GTF2E1: variants seen among roughly 807,000 people sequenced by gnomAD.
The protein encoded by GTF2E1 is general transcription factor IIE subunit 1.
A neutral mutation model predicts 34.9 loss-of-function variants in GTF2E1; 14 were observed. The ratio of observed to expected loss-of-function variants is 0.40; its 90% CI spans 0.27 to 0.63. The LOEUF (loss-of-function observed/expected upper bound fraction) is 0.63, where lower values mean the gene tolerates loss of function less well. Ranked by LOEUF, GTF2E1 falls within the 20% of genes least tolerant of loss-of-function variation. The probability of loss-of-function intolerance (pLI) is 0.39; values close to 1 mark genes in which losing one functional copy is unlikely to be tolerated. For synonymous variants in GTF2E1, 188 were observed against 192.9 expected (o/e 0.97, Z 0.21); for missense variants, 469 against 557.7 (o/e 0.84, Z 1.60).
chr3:120,750,427 TA>T (rs1709154492), intron 1 of GTF2E1, 95 bp from the exon 2 acceptor site: 1 of 723,056 alleles, frequency 1.4e-6, no homozygotes, highest in African/African-American at 1.8e-5. Flanking sequence ...GAAATCTTTT[TA>T]AACACTTTGG....
In GTF2E1 at chr3:120,770,914, C is replaced by G; in HGVS notation, c.635C>G (p.Pro212Arg). Residue 212 changes from proline (P) to arginine (R), a missense_variant, in exon 3 of 5, where the codon CCA becomes CGA. Transcript: ENST00000283875. ...EILEPEPTEI[P>R]ALKQSKDHAA... The stretch of plus-strand genomic sequence containing the variant: ...CTTGAGCCAGAACCCACAGAAATCC[C>G]AGCCCTGAAACAGAGGTGAGTGTAG... 1 of 1,613,310 alleles carries G rather than the reference C, an allele frequency of 6.2e-7. No homozygotes were observed. Among genetic ancestry groups the G allele is most frequent in the Non-Finnish European group, 8.5e-7 (1 of 1,179,354 alleles).
At chr3:120,757,787 C>G (rs1318756689) in intron 2 of GTF2E1, among the ~76,000 whole-genome samples, 2 of 152,208 alleles carry the variant, frequency 1.3e-5, no homozygotes, top group East Asian at 3.8e-4. Context: ...GACTGTATAG[C>G]TTCTGCATAT....
At chr3:120,757,809 G>A (rs147946454) in intron 2 of GTF2E1, among the ~76,000 whole-genome samples, 1 of 152,352 alleles carries the variant, frequency 6.6e-6, no homozygotes, top group East Asian at 1.9e-4. Flanking sequence ...GATTAAGAGG[G>A]AGTTGAATGT....
At chr3:120,751,890 T>A (rs567622442) in intron 2 of GTF2E1, among the ~76,000 whole-genome samples, 123 of 152,292 alleles carry the variant, frequency 8.1e-4, no homozygotes, top group Non-Finnish European at 1.5e-3. Context: ...ATCTGCTTTT[T>A]TAAAAACTTC....
chr3:120,772,960 A>G (rs1709365513), intron 3 of GTF2E1, among the ~76,000 whole-genome samples: 1 of 152,148 alleles, frequency 6.6e-6, no homozygotes, highest in African/African-American at 2.4e-5. Context: ...TCTTCTTATC[A>G]GGAATGATGG....
intron 3 of GTF2E1, among the ~76,000 whole-genome samples, chr3:120,774,442 C>T (rs1333688092): frequency 6.6e-6 from 1 of 152,124 alleles, no homozygotes; most frequent in African/African-American, 2.4e-5. Context: ...CATCATATTA[C>T]AGTGAAGGCA....
chr3:120,757,482 TA>T (rs1709219119), intron 2 of GTF2E1, among the ~76,000 whole-genome samples: 1 of 152,224 alleles, frequency 6.6e-6, no homozygotes, highest in Non-Finnish European at 1.5e-5. Flanking sequence ...TGAATTTTTA[TA>T]AGATGATTTT....
At chr3:120,764,804 G>GTATT (rs1053738214) in intron 2 of GTF2E1, among the ~76,000 whole-genome samples, 4 of 151,794 alleles carry the variant, frequency 2.6e-5, no homozygotes, top group African/African-American at 9.7e-5. Flanking sequence ...GGTTTTATTT[G>GTATT]TATTTATTTA....
At chr3:120,776,734 ACTGC>A in intron 4 of GTF2E1, 70 bp downstream of exon 4, 1 of 1,380,284 alleles carries the variant, frequency 7.2e-7, no homozygotes, top group Non-Finnish European at 1.0e-6. Context: ...TTAGTGGGAA[ACTGC>A]CTGGGCAATT....
At chr3:120,771,987 A>G (rs532831729) in intron 3 of GTF2E1, among the ~76,000 whole-genome samples, 2 of 152,280 alleles carry the variant, frequency 1.3e-5, no homozygotes, top group African/African-American at 2.4e-5. Flanking sequence ...TCACAGCTCA[A>G]TTATATCTTC....
intron 2 of GTF2E1, among the ~76,000 whole-genome samples, chr3:120,768,087 A>T (rs1396979625): frequency 3.3e-5 from 5 of 152,160 alleles, no homozygotes; most frequent in Admixed American, 1.3e-4. Flanking sequence ...ACATTTTTTT[A>T]AAATTCGGGT....
At chr3:120,768,172 AAATG>A (rs1422227592) in intron 2 of GTF2E1, among the ~76,000 whole-genome samples, 2 of 152,346 alleles carry the variant, frequency 1.3e-5, no homozygotes, top group Admixed American at 1.3e-4. Flanking sequence ...AGGGAAAAGA[AAATG>A]AAAGAGGATA....
chr3:120,744,616 A>T (rs1330223176), intron 1 of GTF2E1, among the ~76,000 whole-genome samples: 1 of 152,144 alleles, frequency 6.6e-6, no homozygotes, highest in Non-Finnish European at 1.5e-5. Flanking sequence ...CATATTCTGT[A>T]TCCAATATAT....
chr3:120,773,828 A>T (rs1709375963), intron 3 of GTF2E1, among the ~76,000 whole-genome samples: 1 of 152,198 alleles, frequency 6.6e-6, no homozygotes, highest in Non-Finnish European at 1.5e-5. Flanking sequence ...CTTATGGTCA[A>T]ATGTCTGCTG....
chr3:120,767,606 G>A (rs1709320359), intron 2 of GTF2E1, among the ~76,000 whole-genome samples: 1 of 152,162 alleles, frequency 6.6e-6, no homozygotes, highest in Admixed American at 6.6e-5. Flanking sequence ...ATTTCCTTGA[G>A]TAGTGAAGTT....
chr3:120,750,516 A>T lies in GTF2E1; in HGVS notation c.-30-7A>T, dbSNP rs1386216004. ...CTGGCTAATTTTCTGTTTTTTTTTG[A>T]ATTCAGTATATTTAAAGTTGGAGTT... On this transcript the variant is annotated splice_region_variant and splice_polypyrimidine_tract_variant and intron_variant, in intron 1 of 4. Coordinates refer to ENST00000283875, the MANE Select transcript of GTF2E1 (RefSeq NM_005513.3). 1.3e-6 allele frequency: 2 copies of T among 1,496,330 alleles called. No homozygotes were observed. Among genetic ancestry groups the T allele is most frequent in the African/African-American group, 1.4e-5 (1 of 70,934 alleles). 92.7% of individuals were successfully genotyped at this position (1,496,330 alleles called of 1,614,324 possible).
chr3:120,746,842 T>C (rs1559828690), intron 1 of GTF2E1, among the ~76,000 whole-genome samples: 1 of 152,194 alleles, frequency 6.6e-6, no homozygotes, highest in South Asian at 2.1e-4. Flanking sequence ...GAAATTTAAC[T>C]TGATTTAATC....
At chr3:120,755,470 T>A (rs1709200313) in intron 2 of GTF2E1, among the ~76,000 whole-genome samples, 1 of 152,188 alleles carries the variant, frequency 6.6e-6, no homozygotes, top group African/African-American at 2.4e-5. Context: ...GAGATATCTT[T>A]AAAAATTTTT....
intron 3 of GTF2E1, among the ~76,000 whole-genome samples, chr3:120,773,730 T>A (rs1380325796): frequency 1.3e-5 from 2 of 152,158 alleles, no homozygotes; most frequent in African/African-American, 2.4e-5. Flanking sequence ...GTTCTAAAAT[T>A]TATTAAATAA....
Sources: allele counts gnomAD v4.1 joint callset (sites outside exome capture counted in the v4.1 genomes callset), GRCh38; gene constraint gnomAD v4.1.1; transcripts MANE v1.5; gene names NCBI Gene and HGNC (gene_info 2026-07-23, HGNC 2026-07-21).